KAT6B: variants seen among roughly 807,000 people sequenced by gnomAD.
KAT6B encodes the protein histone acetyltransferase KAT6B.
In KAT6B, 10 loss-of-function variants were observed where a neutral mutation model predicts 187.5. The ratio of observed to expected loss-of-function variants is 0.05; its 90% confidence interval spans 0.03 to 0.09. The LOEUF is 0.09. KAT6B is among the 10% of genes least tolerant of loss of function. KAT6B has a pLI of 1.00. For missense variants in KAT6B, 1,952 were observed against 2,558.9 expected, an observed-to-expected ratio of 0.76 and a Z score of 5.12; for synonymous variants, 861 against 926.8, an observed-to-expected ratio of 0.93 and a Z score of 1.29.
At chr10:74,838,425 A>T (rs969353772) in intron 1 of KAT6B, among the ~76,000 whole-genome samples, 1 of 152,130 alleles carries the variant, frequency 6.6e-6, no homozygotes, top group African/African-American at 2.4e-5. Flanking sequence ...TGATTTTTAA[A>T]ATTTGAACAG....
At chr10:74,928,772 A>G (rs1848664059) in intron 3 of KAT6B, among the ~76,000 whole-genome samples, 1 of 152,238 alleles carries the variant, frequency 6.6e-6, no homozygotes, top group African/African-American at 2.4e-5. Flanking sequence ...TTTATTGAGC[A>G]CTGACCTTGG....
Position 75,031,482 on chromosome 10 carries a change from G to A in KAT6B, c.*436G>A. On this transcript the variant is annotated 3_prime_UTR_variant, in exon 18 of 18. Coordinates refer to ENST00000287239, the MANE Select transcript of KAT6B (RefSeq NM_012330.4). ...TTCAGTTATTGTATATTTTGTTTAA[G>A]GTGACACTTCAGCATGCCGCTAATG... The A allele has an allele frequency of 3.2e-6, 1 of 311,946 alleles. No individual in the cohort carries two copies. Among genetic ancestry groups the A allele is most frequent in the Middle Eastern group, 9.4e-4 (1 of 1,064 alleles). 19.3% of individuals were successfully genotyped at this position (311,946 alleles called of 1,614,324 possible).
chr10:74,984,888 A>G (rs537761690), intron 11 of KAT6B, 192 bp from the exon 12 acceptor site: 7 of 608,848 alleles, frequency 1.1e-5, no homozygotes, highest in African/African-American at 1.1e-4. Flanking sequence ...TTAAGAGAAA[A>G]TGTGGAATTC....
intron 2 of KAT6B, among the ~76,000 whole-genome samples, chr10:74,839,352 T>G (rs756644574): frequency 5.3e-5 from 8 of 151,342 alleles, no homozygotes; most frequent in Non-Finnish European, 1.2e-4. Context: ...TGCCTTAGCC[T>G]CCTGAGTAGC....
chr10:74,913,654 A>G (rs2132951971), intron 3 of KAT6B, among the ~76,000 whole-genome samples: 1 of 152,392 alleles, frequency 6.6e-6, no homozygotes, highest in East Asian at 1.9e-4. Context: ...TTAGTCCAGC[A>G]ACAACTTATA....
chr10:74,963,245 TTC>T (rs1426928126), intron 4 of KAT6B, among the ~76,000 whole-genome samples: 1 of 152,248 alleles, frequency 6.6e-6, no homozygotes, highest in Non-Finnish European at 1.5e-5. Flanking sequence ...CACTGTTATA[TTC>T]TCTTTGCCTC....
intron 3 of KAT6B, among the ~76,000 whole-genome samples, chr10:74,926,546 C>A (rs1412662393): frequency 2.6e-5 from 4 of 152,218 alleles, no homozygotes; most frequent in Admixed American, 2.0e-4. Context: ...TGTGTTGAAT[C>A]ATTTTAAATA....
intron 3 of KAT6B, among the ~76,000 whole-genome samples, chr10:74,882,236 G>A (rs1037531555): frequency 1.1e-4 from 16 of 152,150 alleles, no homozygotes; most frequent in African/African-American, 3.9e-4. Context: ...CTTGCTATTA[G>A]TATTAATCTG....
chr10:74,973,758 C>T (rs1378478933), intron 7 of KAT6B, among the ~76,000 whole-genome samples: 2 of 152,126 alleles, frequency 1.3e-5, no homozygotes, highest in African/African-American at 2.4e-5. Flanking sequence ...TAGAGGCAAA[C>T]ATGAAACATT....
chr10:74,835,026 A>G (rs116745981), intron 1 of KAT6B, among the ~76,000 whole-genome samples: 2,606 of 152,342 alleles, frequency 0.017, 68 homozygotes, highest in African/African-American at 0.053. Flanking sequence ...TAGGGTATAC[A>G]AAGATGAATC....
intron 3 of KAT6B, among the ~76,000 whole-genome samples, chr10:74,854,195 A>T (rs1039106106): frequency 6.6e-6 from 1 of 152,228 alleles, no homozygotes; most frequent in South Asian, 2.1e-4. Flanking sequence ...TGTAATTTGC[A>T]TGTGACATTT....
At chr10:74,854,564 G>C (rs1016777649) in intron 3 of KAT6B, among the ~76,000 whole-genome samples, 44 of 151,936 alleles carry the variant, frequency 2.9e-4, no homozygotes, top group African/African-American at 1.0e-3. Context: ...TTTAAACTAT[G>C]AGGCTGGTCT....
At chr10:74,827,756 G>T (rs1278655643) in intron 1 of KAT6B, among the ~76,000 whole-genome samples, 1 of 152,142 alleles carries the variant, frequency 6.6e-6, no homozygotes, top group Non-Finnish European at 1.5e-5. Context: ...TTGGTGGACT[G>T]TGCCAGGGGT....
intron 5 of KAT6B, 62 bp from the exon 6 acceptor site, chr10:74,969,958 G>A: frequency 8.0e-7 from 1 of 1,257,222 alleles, no homozygotes; most frequent in African/African-American, 1.5e-5. Context: ...AGTAACAAAA[G>A]AATTTTTGGC....
chr10:74,966,460 G>C (rs1301505032), intron 4 of KAT6B, among the ~76,000 whole-genome samples: 1 of 152,174 alleles, frequency 6.6e-6, no homozygotes, highest in Non-Finnish European at 1.5e-5. Context: ...TACAGAGCCT[G>C]TGTTTTTTCT....
chr10:74,964,131 C>T (rs922857790), intron 4 of KAT6B, among the ~76,000 whole-genome samples: 3 of 151,626 alleles, frequency 2.0e-5, no homozygotes, highest in Admixed American at 6.6e-5. Flanking sequence ...AACTCTGTCT[C>T]AAAAAATAAA....
chr10:74,872,837 G>C (rs951524443), intron 3 of KAT6B, among the ~76,000 whole-genome samples: 1 of 152,016 alleles, frequency 6.6e-6, no homozygotes, highest in Non-Finnish European at 1.5e-5. Flanking sequence ...TAAAGTCATC[G>C]AGAGACATGA....
chr10:74,950,974 G>T (rs867633207), intron 3 of KAT6B, among the ~76,000 whole-genome samples: 15 of 151,972 alleles, frequency 9.9e-5, no homozygotes, highest in Middle Eastern at 3.4e-3. Flanking sequence ...AAATTAGCCA[G>T]TCTCAAAAGC....
intron 3 of KAT6B, among the ~76,000 whole-genome samples, chr10:74,955,659 TAAC>T (rs1715777418): frequency 1.3e-5 from 2 of 152,038 alleles, no homozygotes; most frequent in African/African-American, 4.8e-5. Context: ...AAAGACATCA[TAAC>T]ACTTTACTCC....
Sources: gnomAD v4.1 joint callset for allele counts (sites outside exome capture counted in the v4.1 genomes callset) on GRCh38, gnomAD v4.1.1 for gene constraint, MANE v1.5 for transcripts, NCBI Gene and HGNC (gene_info 2026-07-23, HGNC 2026-07-21) for gene names.